Variants in FAM184B observed in about 807,000 individuals in gnomAD.
FAM184B encodes the protein protein FAM184B.
In FAM184B, 111 loss-of-function variants were observed where a neutral mutation model predicts 135.9. The ratio of observed to expected loss-of-function variants is 0.82; its 90% CI spans 0.70 to 0.96. The LOEUF (loss-of-function observed/expected upper bound fraction) is 0.96. FAM184B is among the 40% of genes least tolerant of loss of function. The pLI is 0.00. For missense variants in FAM184B, 1,375 were observed against 1,323.9 expected (o/e 1.04, Z -0.60); for synonymous variants, 552 against 524.8 (o/e 1.05, Z -0.71).
At chr4:17,723,558 G>C (rs2108973617) in intron 1 of FAM184B, among the ~76,000 whole-genome samples, 1 of 152,280 alleles carries the variant, frequency 6.6e-6, no homozygotes, top group South Asian at 2.1e-4. Flanking sequence ...GAAATGGAAG[G>C]GCCACACTGG....
intron 15 of FAM184B, 105 bp downstream of exon 15, chr4:17,636,423 T>G: frequency 4.6e-6 from 4 of 861,860 alleles, no homozygotes; most frequent in Non-Finnish European, 7.4e-6. Context: ...CTTTGTAAGA[T>G]ATTAGGGCAC....
At chr4:17,766,689 C>T (rs1029223010) in intron 1 of FAM184B, among the ~76,000 whole-genome samples, 3 of 152,174 alleles carry the variant, frequency 2.0e-5, no homozygotes, top group East Asian at 1.9e-4. Context: ...ACAATCCCTT[C>T]GCTAGACATA....
At chr4:17,762,769 T>C (rs1194852579) in intron 1 of FAM184B, among the ~76,000 whole-genome samples, 1 of 152,228 alleles carries the variant, frequency 6.6e-6, no homozygotes, top group Non-Finnish European at 1.5e-5. Flanking sequence ...CTTTTTTGAA[T>C]GTCTCACAAG....
chr4:17,764,496 T>G (rs150338231), intron 1 of FAM184B, among the ~76,000 whole-genome samples: 5 of 152,332 alleles, frequency 3.3e-5, no homozygotes, highest in African/African-American at 1.2e-4. Flanking sequence ...GTAGGAGTTT[T>G]GCTGGCACAC....
intron 11 of FAM184B, 74 bp from the exon 12 acceptor site, chr4:17,647,865 C>G (rs1262772764): frequency 1.1e-4 from 163 of 1,426,758 alleles, no homozygotes; most frequent in Non-Finnish European, 1.3e-4. Flanking sequence ...ACAACAGTCT[C>G]TGGGGTGGGG....
chr4:17,704,180 A>G (rs1381238420), intron 5 of FAM184B, among the ~76,000 whole-genome samples: 1 of 152,242 alleles, frequency 6.6e-6, no homozygotes, highest in African/African-American at 2.4e-5. Context: ...ATCTTGGGCT[A>G]TAAAGAGGCC....
intron 12 of FAM184B, among the ~76,000 whole-genome samples, chr4:17,643,680 T>A (rs915452897): frequency 1.3e-5 from 2 of 152,198 alleles, no homozygotes; most frequent in Admixed American, 1.3e-4. Context: ...TTAATATTTT[T>A]CACATAAACA....
chr4:17,756,163 A>T (rs1372338403), intron 1 of FAM184B, among the ~76,000 whole-genome samples: 2 of 152,146 alleles, frequency 1.3e-5, no homozygotes, highest in Non-Finnish European at 2.9e-5. Flanking sequence ...ACTAAAAAGA[A>T]ACAGAGTTTC....
intron 16 of FAM184B, 99 bp from the exon 17 acceptor site, chr4:17,633,987 C>A: frequency 2.1e-6 from 2 of 960,296 alleles, no homozygotes; most frequent in Non-Finnish European, 2.8e-6. Context: ...AAAATTGTAT[C>A]GGAGAAGAAG....
In FAM184B at chr4:17,700,557, A is replaced by G. The variant is rs574706895; in HGVS notation, c.1377+4443T>C. On this transcript the variant is annotated intron_variant, in intron 5 of 17. Transcript: ENST00000265018. ...TCTACAATTTTAATTTGAGATTTCA[A>G]TCTTCCTCTCTCAGTGATCAACAGA... Among the ~76,000 whole-genome samples, 40 of 152,360 alleles carry G rather than the reference A, an allele frequency of 2.6e-4. No individual in the cohort carries two copies. The South Asian group carries it at 4.6e-3, about 17-fold the overall frequency.
chr4:17,673,701 G>A (rs1269627079), intron 7 of FAM184B, among the ~76,000 whole-genome samples: 1 of 152,150 alleles, frequency 6.6e-6, no homozygotes, highest in African/African-American at 2.4e-5. Flanking sequence ...ATTCATAAGT[G>A]GGAGCTAAGT....
At chr4:17,660,142 T>C (rs1715879538) in intron 8 of FAM184B, 55 bp from the exon 9 acceptor site, 2 of 1,535,812 alleles carry the variant, frequency 1.3e-6, no homozygotes, top group Admixed American at 2.0e-5. Context: ...GGAATGACAC[T>C]GCCACTCCGA....
At chr4:17,718,825 T>C (rs1197136285) in intron 1 of FAM184B, among the ~76,000 whole-genome samples, 2 of 152,172 alleles carry the variant, frequency 1.3e-5, no homozygotes. Context: ...TGAACAGCAG[T>C]GAAACTGAGC....
intron 5 of FAM184B, among the ~76,000 whole-genome samples, chr4:17,702,803 C>A (rs1165978006): frequency 6.6e-6 from 1 of 152,198 alleles, no homozygotes; most frequent in African/African-American, 2.4e-5. Context: ...ACCAGGGCAA[C>A]CTGTAGTTCT....
chr4:17,638,221 C>T (rs1715207171), intron 14 of FAM184B, among the ~76,000 whole-genome samples: 1 of 142,942 alleles, frequency 7.0e-6, no homozygotes, highest in South Asian at 2.3e-4. Context: ...GAGTTTCTCT[C>T]TCTGTAGCCC....
At chr4:17,744,313 T>C (rs891398278) in intron 1 of FAM184B, among the ~76,000 whole-genome samples, 15 of 152,096 alleles carry the variant, frequency 9.9e-5, no homozygotes, top group African/African-American at 3.6e-4. Context: ...TGAGCCATCC[T>C]AGAAATCTGC....
intron 6 of FAM184B, among the ~76,000 whole-genome samples, chr4:17,690,064 C>T (rs1298841350): frequency 6.6e-6 from 1 of 152,010 alleles, no homozygotes; most frequent in Non-Finnish European, 1.5e-5. Flanking sequence ...AGAAGAATTG[C>T]TTGAACCTGA....
intron 7 of FAM184B, among the ~76,000 whole-genome samples, chr4:17,677,597 A>G (rs1716341589): frequency 1.3e-5 from 2 of 152,150 alleles, no homozygotes; most frequent in Non-Finnish European, 2.9e-5. Context: ...AGACATTCAA[A>G]GAAGAATCAT....
chr4:17,766,499 G>A (rs1338802225), intron 1 of FAM184B, among the ~76,000 whole-genome samples: 3 of 152,092 alleles, frequency 2.0e-5, no homozygotes, highest in African/African-American at 7.2e-5. Context: ...GCTAGACGCA[G>A]AATGCTGATT....
Sources: allele counts gnomAD v4.1 joint callset (sites outside exome capture counted in the v4.1 genomes callset), GRCh38; gene constraint gnomAD v4.1.1; transcripts MANE v1.5; gene names NCBI Gene and HGNC (gene_info 2026-07-23, HGNC 2026-07-21).